SH3BGRL: variants seen among roughly 807,000 people sequenced by gnomAD.
SH3BGRL encodes adapter SH3BGRL.
In SH3BGRL, 7 loss-of-function variants were observed where a neutral mutation model predicts 9.8. That is an observed-to-expected ratio of 0.72 (90% CI 0.41 to 1.35). The LOEUF is 1.35. Ranked by LOEUF, SH3BGRL falls within the 40% of genes most tolerant of loss-of-function variation. The pLI is 0.01. For missense variants in SH3BGRL, 73 were observed against 84.4 expected (o/e 0.86, Z 0.53); for synonymous variants, 36 against 29.1 (o/e 1.24, Z -0.76).
intron 3 of SH3BGRL, among the ~76,000 whole-genome samples, chrX:81,294,380 T>C (rs1369018754): frequency 9.2e-6 from 1 of 109,048 alleles, no homozygotes; most frequent in Non-Finnish European, 1.9e-5. Context: ...ACTCCAGCCA[T>C]GACTAAAAGG....
Position 81,272,419 on chromosome X carries a change from T to C in SH3BGRL, c.46-4565T>C, listed in dbSNP as rs1238059622. 1.1e-4 allele frequency among the ~76,000 whole-genome samples: 12 copies of C among 111,107 alleles called. No individual in the cohort carries two copies. The Admixed American group carries it at 1.1e-3, about 11-fold the overall frequency. On this transcript the variant is annotated intron_variant, in intron 1 of 3. Coordinates refer to ENST00000373212, the MANE Select transcript of SH3BGRL (RefSeq NM_003022.3). Reference sequence around the variant, plus strand: ...AATTGGCAGCTTTAAATGCTGTTTGTTCACTCCTCATCCACTCCACTGTTA... The same window carrying C: ...AATTGGCAGCTTTAAATGCTGTTTGCTCACTCCTCATCCACTCCACTGTTA...
At chrX:81,266,681 C>G (rs2075758196) in intron 1 of SH3BGRL, among the ~76,000 whole-genome samples, 1 of 111,684 alleles carries the variant, frequency 9.0e-6, no homozygotes, top group Admixed American at 9.5e-5. Flanking sequence ...ACTGTCTTGG[C>G]TATGCGGGCT....
chrX:81,295,189 G>T (rs750390942), intron 3 of SH3BGRL, among the ~76,000 whole-genome samples: 4 of 111,602 alleles, frequency 3.6e-5, no homozygotes, highest in Non-Finnish European at 7.5e-5. Flanking sequence ...GAAATGTGAG[G>T]ACATGAGATT....
chrX:81,237,086 T>C (rs1355168903), intron 1 of SH3BGRL: 2 of 916,948 alleles, frequency 2.2e-6, no homozygotes, highest in East Asian at 7.6e-5. Context: ...CAAGTAATGT[T>C]ATTGAATTAA....
intron 1 of SH3BGRL, among the ~76,000 whole-genome samples, chrX:81,253,362 T>G (rs947191695): frequency 1.8e-5 from 2 of 111,593 alleles, no homozygotes; most frequent in Non-Finnish European, 3.8e-5. Context: ...TTGTTTGTTT[T>G]TTTATTTTTC....
chrX:81,273,819 C>T (rs16979420), intron 1 of SH3BGRL, among the ~76,000 whole-genome samples: 1,843 of 110,967 alleles, frequency 0.017, 111 homozygotes, highest in Admixed American at 0.16. Context: ...AGAAACTTGA[C>T]CCTTAGCATG....
At chrX:81,286,060 A>G (rs1352763565) in intron 3 of SH3BGRL, among the ~76,000 whole-genome samples, 2 of 111,775 alleles carry the variant, frequency 1.8e-5, no homozygotes, top group East Asian at 5.6e-4. Flanking sequence ...TAATTGTTGT[A>G]TTCTTTTTTA....
intron 1 of SH3BGRL, among the ~76,000 whole-genome samples, chrX:81,251,611 T>C (rs989263542): frequency 8.9e-6 from 1 of 111,869 alleles, no homozygotes; most frequent in African/African-American, 3.2e-5. Flanking sequence ...ACACAGTGCT[T>C]AGTGTCATGT....
chrX:81,230,630 A>T (rs2075630140), intron 1 of SH3BGRL, among the ~76,000 whole-genome samples: 1 of 112,326 alleles, frequency 8.9e-6, no homozygotes, highest in Admixed American at 9.4e-5. Flanking sequence ...GAACAGGCTG[A>T]ATAATATGCA....
Position 81,202,132 on chromosome X carries a change from T to C in SH3BGRL, c.-69T>C. Reference sequence around the variant, plus strand: ...CCGCTGTTTCAGCCCCTAGCTGGATTCCAGCCATTGCTGCAGCTGCTCCAC... The same window carrying C: ...CCGCTGTTTCAGCCCCTAGCTGGATCCCAGCCATTGCTGCAGCTGCTCCAC... On this transcript the variant is annotated 5_prime_UTR_variant, in exon 1 of 4. Transcript: ENST00000373212. The C allele has an allele frequency of 9.3e-7, 1 of 1,076,667 alleles. No individual in the cohort carries two copies. The highest frequency in any genetic ancestry group is 1.3e-6 in the Non-Finnish European group (1 of 778,765). 88.7% of individuals were successfully genotyped at this position (1,076,667 alleles called of 1,213,427 possible).
At chrX:81,277,480 C>G (rs2075802128) in intron 2 of SH3BGRL, among the ~76,000 whole-genome samples, 1 of 112,427 alleles carries the variant, frequency 8.9e-6, no homozygotes, top group African/African-American at 3.2e-5. Context: ...TTGCATTCCC[C>G]AGGTTGAAAC....
In SH3BGRL at chrX:81,269,045, C is replaced by CT. The variant is rs200579059; in HGVS notation, c.46-7932dup. 1.8e-4 allele frequency among the ~76,000 whole-genome samples: 20 copies of CT among 111,187 alleles called. No individual in the cohort carries two copies. In the East Asian group the frequency reaches 5.1e-3, roughly 29 times the overall value. On this transcript the variant is annotated intron_variant, in intron 1 of 3. Coordinates refer to ENST00000373212, the MANE Select transcript of SH3BGRL (RefSeq NM_003022.3). Reference sequence around the variant, plus strand: ...TCAGAGACCAGGATTGCAACTCCTGCTTTTTTTGCCTTCCATTTGCTTGAT... The same window carrying CT: ...TCAGAGACCAGGATTGCAACTCCTGCTTTTTTTTGCCTTCCATTTGCTTGAT...
At chrX:81,224,366 G>A (rs1257642048) in intron 1 of SH3BGRL, among the ~76,000 whole-genome samples, 1 of 111,557 alleles carries the variant, frequency 9.0e-6, no homozygotes, top group Non-Finnish European at 1.9e-5. Context: ...CAGTCACCAC[G>A]TAAGAAAGAA....
chrX:81,249,231 C>A (rs2075701430), intron 1 of SH3BGRL, among the ~76,000 whole-genome samples: 1 of 112,601 alleles, frequency 8.9e-6, no homozygotes, highest in South Asian at 3.7e-4. Flanking sequence ...TAAATGAGTG[C>A]TTGATTGAAT....
At chrX:81,245,657 T>C (rs1171486089) in intron 1 of SH3BGRL, among the ~76,000 whole-genome samples, 1 of 112,002 alleles carries the variant, frequency 8.9e-6, no homozygotes, top group Admixed American at 9.4e-5. Flanking sequence ...TATCTTGTTT[T>C]GCTGTACCAT....
In SH3BGRL at chrX:81,264,406, G is replaced by A. The variant is rs760968434; in HGVS notation, c.46-12578G>A. 3.6e-5 allele frequency among the ~76,000 whole-genome samples: 4 copies of A among 111,612 alleles called. No homozygotes were observed. The South Asian group carries it at 1.1e-3, about 32-fold the overall frequency. On this transcript the variant is annotated intron_variant, in intron 1 of 3. Transcript: ENST00000373212. ...TCTCTGAGCCCCTGTTTCCTTTGCC[G>A]TGAAATGGATAGCCACCCCAAAAAG...
chrX:81,287,676 C>G (rs1194349981), intron 3 of SH3BGRL, among the ~76,000 whole-genome samples: 1 of 110,168 alleles, frequency 9.1e-6, no homozygotes, highest in Admixed American at 9.8e-5. Context: ...AGGGGAGGGA[C>G]AAGATTAGGA....
rs754674299 is a variant in SH3BGRL, at chrX:81,257,110, A to G, written c.46-19874A>G. Among the ~76,000 whole-genome samples, 6 of 111,863 alleles carry G rather than the reference A, an allele frequency of 5.4e-5. No individual in the cohort carries two copies. The East Asian group carries it at 1.4e-3, about 26-fold the overall frequency. ...TCACAGATATGATAGCAGGCACTAGATAACATGATCAGCCATGAGAGAGCT... is the reference window on the plus strand; with the variant it reads ...TCACAGATATGATAGCAGGCACTAGGTAACATGATCAGCCATGAGAGAGCT... On this transcript the variant is annotated intron_variant, in intron 1 of 3. Coordinates refer to ENST00000373212, the MANE Select transcript of SH3BGRL (RefSeq NM_003022.3).
intron 3 of SH3BGRL, among the ~76,000 whole-genome samples, chrX:81,290,832 C>T (rs2075855569): frequency 9.1e-6 from 1 of 109,879 alleles, no homozygotes; most frequent in South Asian, 4.0e-4. Context: ...ATGTCATATA[C>T]CCCATAAATA....
Sources: allele counts gnomAD v4.1 joint callset (sites outside exome capture counted in the v4.1 genomes callset), GRCh38; gene constraint gnomAD v4.1.1; transcripts MANE v1.5; gene names NCBI Gene and HGNC (gene_info 2026-07-23, HGNC 2026-07-21).